Variants in RNF38 observed in about 807,000 individuals in gnomAD.
The protein encoded by RNF38 is ring finger protein 38.
Under a neutral mutation model 67.2 loss-of-function variants are expected in RNF38, and 15 were observed. The observed-to-expected ratio is 0.22, with a 90% CI of 0.15 to 0.34. RNF38 has a LOEUF of 0.34. RNF38 is among the 10% of genes least tolerant of loss of function. RNF38 has a pLI of 1.00. For synonymous variants in RNF38, 220 were observed against 218.8 expected (o/e 1.01, Z -0.05); for missense variants, 524 against 639.9 (o/e 0.82, Z 1.95).
chr9:36,478,677 C>G (rs1045065539), intron 1 of RNF38, among the ~76,000 whole-genome samples: 3 of 151,320 alleles, frequency 2.0e-5, no homozygotes, highest in East Asian at 2.0e-4. Flanking sequence ...ATTAGCCAGG[C>G]GTGGTGGCTC....
chr9:36,441,500 A>G (rs1464460711), intron 1 of RNF38, among the ~76,000 whole-genome samples: 1 of 151,850 alleles, frequency 6.6e-6, no homozygotes. Context: ...TAATTTTTCT[A>G]TTTTTAGTAG....
chr9:36,357,216 G>A (rs1834196517), intron 5 of RNF38, among the ~76,000 whole-genome samples: 1 of 152,152 alleles, frequency 6.6e-6, no homozygotes, highest in South Asian at 2.1e-4. Context: ...AAGTTAGTGT[G>A]AATCTCTACT....
chr9:36,364,928 T>G (rs886851651), intron 4 of RNF38, among the ~76,000 whole-genome samples: 6 of 152,190 alleles, frequency 3.9e-5, no homozygotes, highest in Non-Finnish European at 8.8e-5. Flanking sequence ...GACCAGGGTG[T>G]CAGTGGGCCA....
At chr9:36,364,674 G>C (rs564345624) in intron 4 of RNF38, among the ~76,000 whole-genome samples, 3 of 152,284 alleles carry the variant, frequency 2.0e-5, no homozygotes, top group South Asian at 2.1e-4. Flanking sequence ...CTAGTAACTG[G>C]AGAAGCTACT....
At chr9:36,424,231 A>C (rs1364250140) in intron 2 of RNF38, among the ~76,000 whole-genome samples, 1 of 152,226 alleles carries the variant, frequency 6.6e-6, no homozygotes, top group Non-Finnish European at 1.5e-5. Flanking sequence ...ATTAATGCCA[A>C]AAGTGAACCA....
At chr9:36,343,133 T>C (rs1216224217) in intron 10 of RNF38, among the ~76,000 whole-genome samples, 1 of 152,202 alleles carries the variant, frequency 6.6e-6, no homozygotes, top group African/African-American at 2.4e-5. Context: ...TCTATTGTTA[T>C]TTTCTATTTT....
chr9:36,354,600 T>C (rs953399753), intron 6 of RNF38, among the ~76,000 whole-genome samples: 1 of 152,252 alleles, frequency 6.6e-6, no homozygotes, highest in African/African-American at 2.4e-5. Context: ...ACTTTATCAA[T>C]GCTTCACTCC....
At chr9:36,375,272 T>C (rs958434961) in intron 3 of RNF38, among the ~76,000 whole-genome samples, 5 of 152,268 alleles carry the variant, frequency 3.3e-5, no homozygotes, top group South Asian at 2.1e-4. Flanking sequence ...CTAAGGTTCA[T>C]TGCAGCCTTA....
chr9:36,351,470 A>G (rs2133474709), intron 8 of RNF38, among the ~76,000 whole-genome samples: 1 of 152,356 alleles, frequency 6.6e-6, no homozygotes, highest in South Asian at 2.1e-4. Context: ...TAATCTATAA[A>G]TTCCATGCAA....
intron 2 of RNF38, among the ~76,000 whole-genome samples, chr9:36,413,192 T>G (rs1838373338): frequency 6.6e-6 from 1 of 151,366 alleles, no homozygotes; most frequent in Admixed American, 6.6e-5. Context: ...AATGCGCCAT[T>G]GCACTCCAGC....
chr9:36,384,674 G>C (rs561424540), intron 2 of RNF38, among the ~76,000 whole-genome samples: 7 of 152,092 alleles, frequency 4.6e-5, no homozygotes, highest in Non-Finnish European at 1.5e-5. Flanking sequence ...AAATAAATGT[G>C]GTTATGTTAT....
intron 2 of RNF38, among the ~76,000 whole-genome samples, chr9:36,413,526 A>T (rs1838384078): frequency 6.6e-6 from 1 of 152,254 alleles, no homozygotes; most frequent in Non-Finnish European, 1.5e-5. Context: ...AAATGTACAG[A>T]ATAGGCAAAT....
chr9:36,364,719 T>C (rs1834814346), intron 4 of RNF38, among the ~76,000 whole-genome samples: 1 of 152,210 alleles, frequency 6.6e-6, no homozygotes, highest in African/African-American at 2.4e-5. Flanking sequence ...AGAACAGTGG[T>C]TCTCTAATTA....
intron 1 of RNF38, among the ~76,000 whole-genome samples, chr9:36,477,161 A>C (rs1019135032): frequency 6.6e-6 from 1 of 151,528 alleles, no homozygotes; most frequent in African/African-American, 2.4e-5. Context: ...ATCTCTACTA[A>C]AAATACAAAA....
At chr9:36,450,936 C>T (rs978647651) in intron 1 of RNF38, among the ~76,000 whole-genome samples, 3 of 152,094 alleles carry the variant, frequency 2.0e-5, no homozygotes, top group Non-Finnish European at 2.9e-5. Flanking sequence ...AGTGAGATAA[C>T]CAGACAATAT....
chr9:36,453,949 A>G (rs1379382194), intron 1 of RNF38, among the ~76,000 whole-genome samples: 2 of 152,204 alleles, frequency 1.3e-5, no homozygotes, highest in African/African-American at 2.4e-5. Context: ...CAAAGTAGGG[A>G]TGAGGGGAGA....
rs756585045 is a variant in RNF38, at chr9:36,390,463, G to A, written c.162+4C>T. On this transcript the variant is annotated splice_donor_region_variant and intron_variant, in intron 2 of 11. Coordinates refer to ENST00000259605, the MANE Select transcript of RNF38 (RefSeq NM_022781.5). ...ATGTAGGGAAAGGGTAAATATATAAGAACCTGGAAGAAAGCTTTGAAGTGA... is the reference window on the plus strand; with the variant it reads ...ATGTAGGGAAAGGGTAAATATATAAAAACCTGGAAGAAAGCTTTGAAGTGA... 23 of 1,611,806 alleles carry A rather than the reference G, an allele frequency of 1.4e-5. No individual in the cohort carries two copies. In the South Asian group the frequency reaches 2.4e-4, roughly 17 times the overall value.
At chr9:36,389,975 ACTTTC>A (rs1836946049) in intron 2 of RNF38, among the ~76,000 whole-genome samples, 2 of 152,164 alleles carry the variant, frequency 1.3e-5, no homozygotes, top group South Asian at 2.1e-4. Context: ...TACACACCTT[ACTTTC>A]GAGTTTTCAT....
chr9:36,339,757 C>A lies in RNF38; in HGVS notation c.1543G>T (p.Glu515Ter). 6.2e-7 allele frequency: 1 copy of A among 1,612,952 alleles called. No homozygotes were observed. Among genetic ancestry groups the A allele is most frequent in the Non-Finnish European group, 8.5e-7 (1 of 1,179,280 alleles). ...ATTTGTGCTTCTTAGGTTGGTCATT[C>A]TGAATCCCGATGCACTTCTGAAGCA... ...ADASEVHRDS[E>*] Residue 515 changes from glutamate (E) to a stop codon, truncating the protein, a stop_gained, in exon 12 of 12, where the codon GAA (glutamate) becomes TAA (stop). Coordinates refer to ENST00000259605, the MANE Select transcript of RNF38 (RefSeq NM_022781.5). LOFTEE classifies it high-confidence loss of function.
Sources: gnomAD v4.1 joint callset for allele counts (sites outside exome capture counted in the v4.1 genomes callset) on GRCh38, gnomAD v4.1.1 for gene constraint, MANE v1.5 for transcripts, NCBI Gene and HGNC (gene_info 2026-07-23, HGNC 2026-07-21) for gene names.